The following PLXND1 variants were observed in gnomAD, a reference collection of about 807,000 sequenced individuals.
The protein encoded by PLXND1 is plexin-D1.
PLXND1 carries 54 observed loss-of-function variants against 197.7 expected under a neutral mutation model. That is an observed-to-expected ratio of 0.27 (90% confidence interval 0.22 to 0.34). The LOEUF is 0.34. Among genes scored for constraint, PLXND1 ranks in the 10% least tolerant of loss-of-function variants. PLXND1 has a pLI of 1.00. For missense variants in PLXND1, 2,127 were observed against 2,699.2 expected (o/e 0.79, Z 4.70); for synonymous variants, 1,180 against 1,161.2 (o/e 1.02, Z -0.33).
Position 129,605,502 on chromosome 3 carries a change from CG to C in PLXND1, c.1137del (p.Ala380ArgfsTer81). 1.3e-6 allele frequency: 2 copies of C among 1,492,160 alleles called. No homozygotes were observed. Among genetic ancestry groups the C allele is most frequent in the Non-Finnish European group, 8.9e-7 (1 of 1,129,730 alleles). The allele number at this position is 1,492,160 out of a possible 1,614,324, so 92.4% of individuals were successfully genotyped here. On this transcript the variant is annotated frameshift_variant, in exon 1 of 36. Transcript: ENST00000324093. LOFTEE classifies it high-confidence loss of function. ...AGTGCGGCCGGAGCAGCGCGGGCCG[CG>C]GGGGACCCCTGGGGCCGCTCGAAGA... ...FAVFERPQGS[P>X]AARAAPAALC...
At chr3:129,562,683 C>T (rs542743944) in intron 27 of PLXND1, 104 bp downstream of exon 27, 12 of 1,093,040 alleles carry the variant, frequency 1.1e-5, no homozygotes, top group East Asian at 2.6e-5. Flanking sequence ...AGTGTCCCCA[C>T]ATTCATGCAC....
chr3:129,566,278 G>C, intron 23 of PLXND1: 2 of 597,410 alleles, frequency 3.3e-6, no homozygotes, highest in Non-Finnish European at 6.0e-6. Flanking sequence ...TTCTAAGCAG[G>C]TTGAGTGGGG....
intron 1 of PLXND1, among the ~76,000 whole-genome samples, chr3:129,595,883 C>T (rs936054980): frequency 1.5e-4 from 22 of 151,092 alleles, no homozygotes; most frequent in African/African-American, 5.4e-4. Flanking sequence ...GACACTACAG[C>T]TACTGGGGGC....
At chr3:129,556,895 C>T in intron 34 of PLXND1, 188 bp downstream of exon 34, 1 of 726,760 alleles carries the variant, frequency 1.4e-6, no homozygotes, top group South Asian at 1.8e-5. Context: ...AGGGTGCTCT[C>T]CTGCCCCCGC....
intron 2 of PLXND1, among the ~76,000 whole-genome samples, chr3:129,588,255 G>C (rs1359575395): frequency 6.6e-6 from 1 of 152,160 alleles, no homozygotes; most frequent in African/African-American, 2.4e-5. Flanking sequence ...CATGAGAATC[G>C]TGCCTCTGCC....
rs148998584 is a variant in PLXND1 at position 129,563,160 on chromosome 3, T to G, written c.4602A>C (p.Thr1534=). Residue 1534 remains threonine, a synonymous_variant, in exon 26 of 36, where the codon ACA becomes ACC. Coordinates refer to ENST00000324093, the MANE Select transcript of PLXND1 (RefSeq NM_015103.3). Reference sequence around the variant, plus strand: ...CACTGAGTGTGTAGCGGGCCTTGCCTGTGATGGCGTCGATGGAGCCCTTGT... The same window carrying G: ...CACTGAGTGTGTAGCGGGCCTTGCCGGTGATGGCGTCGATGGAGCCCTTGT... ...QINKGSIDAI[T]GKARYTLSEE... is the part of the protein sequence containing the mutation. 9.2e-5 allele frequency: 149 copies of G among 1,611,592 alleles called. No individual in the cohort carries two copies. The highest frequency in any genetic ancestry group is 1.3e-4 in the Non-Finnish European group (148 of 1,179,142).
chr3:129,580,383 G>A (rs866551983), intron 8 of PLXND1, among the ~76,000 whole-genome samples: 1 of 152,208 alleles, frequency 6.6e-6, no homozygotes, highest in African/African-American at 2.4e-5. Flanking sequence ...GCAGACCGCA[G>A]GCTGCCATCC....
At chr3:129,585,078 G>A (rs1370569617) in intron 5 of PLXND1, among the ~76,000 whole-genome samples, 1 of 152,208 alleles carries the variant, frequency 6.6e-6, no homozygotes, top group African/African-American at 2.4e-5. Context: ...CCTGGGGCCA[G>A]GGGTCTGTCT....
chr3:129,582,734 C>T (rs893427932), intron 8 of PLXND1, among the ~76,000 whole-genome samples: 8 of 152,190 alleles, frequency 5.3e-5, no homozygotes, highest in Admixed American at 1.3e-4. Context: ...CAACCAGGGG[C>T]GAGGTATGTG....
chr3:129,572,821 T>C (rs756189469), intron 14 of PLXND1, 21 bp downstream of exon 14: 2 of 1,612,540 alleles, frequency 1.2e-6, no homozygotes, highest in East Asian at 2.2e-5. Context: ...GGCCGGACAG[T>C]GGGCTGCAGC....
Position 129,567,540 on chromosome 3 carries a change from G to A in PLXND1, c.4038C>T (p.Ile1346=). 2 of 1,611,844 alleles carry A rather than the reference G, an allele frequency of 1.2e-6. No individual in the cohort carries two copies. The highest frequency in any genetic ancestry group is 1.7e-6 in the Non-Finnish European group (2 of 1,178,692). Residue 1346 remains isoleucine, a synonymous_variant, in exon 22 of 36, where the codon ATC becomes ATT. Transcript: ENST00000324093. ...CGAAGTGCTTATACTCCAGGAAGGGGATGCCCTGGCTGCGGTTCAGCTCCT... is the reference window on the plus strand; with the variant it reads ...CGAAGTGCTTATACTCCAGGAAGGGAATGCCCTGGCTGCGGTTCAGCTCCT... The part of the protein sequence containing the change: ...LTKELNRSQG[I]PFLEYKHFVT...
At position 129,584,400 on chromosome 3, in the gene PLXND1, A is replaced by G. The variant is rs915081386; in HGVS notation, c.2014T>C (p.Phe672Leu). 12 of 1,612,586 alleles carry G rather than the reference A, an allele frequency of 7.4e-6. No homozygotes were observed. The highest frequency in any genetic ancestry group is 1.0e-5 in the Non-Finnish European group (12 of 1,179,378). Residue 672 changes from phenylalanine (F) to leucine (L), a missense_variant, in exon 6 of 36, where the codon TTC becomes CTC. Around this residue, in one of 6 missense-constraint regions of PLXND1, gnomAD observed 1,095 missense variants for 1,259.8 expected, o/e 0.87. Coordinates refer to ENST00000324093, the MANE Select transcript of PLXND1 (RefSeq NM_015103.3). ...NLLPRDQFPPFPPNQDHVTVE... is the reference protein window; with the variant it reads ...NLLPRDQFPPLPPNQDHVTVE... ...GCGTGCTTACCCTGGTTGGGGGGGA[A>G]GGGCGGAAACTGGTCCCTCGGCAGG...
In PLXND1 at chr3:129,561,755, G is replaced by A. The variant is rs1371451432; in HGVS notation, c.4929+45C>T. 5.2e-6 allele frequency: 8 copies of A among 1,531,066 alleles called. No individual in the cohort carries two copies. The East Asian group carries it at 1.2e-4, about 22-fold the overall frequency. 94.8% of individuals were successfully genotyped at this position (1,531,066 alleles called of 1,614,324 possible). A position where few individuals can be genotyped will look rare whatever the true frequency, so the allele number is the denominator to read the frequency against. On this transcript the variant is annotated intron_variant, in intron 28 of 35. Transcript: ENST00000324093. ...GAGGTCAGAGGCCGGAGGTTGGGGT[G>A]GGGGCATGAGGGTGGGGAAATGGGG...
Position 129,555,766 on chromosome 3 carries a change from C to CAAA in PLXND1, c.*543_*545dup, listed in dbSNP as rs945615475. On this transcript the variant is annotated 3_prime_UTR_variant, in exon 36 of 36. Transcript: ENST00000324093. ...ACTCTACCAACAGCCGCCCAAGCAA[C>CAAA]AAAAATCTGACACTACTTGAAACTG... The CAAA allele has an allele frequency of 4.2e-6, 2 of 479,210 alleles. No individual in the cohort carries two copies. The highest frequency in any genetic ancestry group is 7.3e-6 in the Non-Finnish European group (2 of 274,554). 29.7% of individuals were successfully genotyped at this position (479,210 alleles called of 1,614,324 possible).
chr3:129,591,688 T>A (rs1437574494), intron 1 of PLXND1: 4 of 152,252 alleles, frequency 2.6e-5, no homozygotes, highest in Non-Finnish European at 1.5e-5. Flanking sequence ...GTTCAACTGC[T>A]GATCAAAAAA....
At chr3:129,597,487 C>T (rs1297669625) in intron 1 of PLXND1, among the ~76,000 whole-genome samples, 2 of 151,570 alleles carry the variant, frequency 1.3e-5, no homozygotes, top group African/African-American at 4.9e-5. Context: ...CTGCGGGCCC[C>T]CCCCCATTAT....
chr3:129,571,652 G>A, intron 16 of PLXND1, 25 bp downstream of exon 16: 1 of 1,613,888 alleles, frequency 6.2e-7, no homozygotes. Context: ...GAGAGCCTGG[G>A]GGAAGGGCGG....
In PLXND1 at chr3:129,589,387, C is replaced by A. The variant is rs763302268; in HGVS notation, c.1452G>T (p.Ala484=). The change falls in exon 2 of 36, where the codon GCG becomes GCT. Residue 484 remains alanine, a synonymous_variant. Coordinates refer to ENST00000324093, the MANE Select transcript of PLXND1 (RefSeq NM_015103.3). ...VAVASVNNYT[A]VFLGTVNGRL... ...TCCCGTTGACCGTGCCCAGGAAGACCGCTGTGTAGTTGTTGACGCTGGCCA... is the reference window on the plus strand; with the variant it reads ...TCCCGTTGACCGTGCCCAGGAAGACAGCTGTGTAGTTGTTGACGCTGGCCA... 2.5e-6 allele frequency: 4 copies of A among 1,611,044 alleles called. No individual in the cohort carries two copies. The African/African-American group carries it at 5.4e-5, about 22-fold the overall frequency.
Position 129,589,347 on chromosome 3 carries a change from C to T in PLXND1, c.1488+4G>A. On this transcript the variant is annotated splice_donor_region_variant and intron_variant, in intron 2 of 35. Transcript: ENST00000324093. Reference sequence around the variant, plus strand: ...CCCCTCCCCACATCCCCAACCATACCTACCTTGAGAAGCCTCCCGTTGACC... The same window carrying T: ...CCCCTCCCCACATCCCCAACCATACTTACCTTGAGAAGCCTCCCGTTGACC... The T allele has an allele frequency of 6.4e-7, 1 of 1,557,644 alleles. No homozygotes were observed.
Sources: gnomAD v4.1 joint callset for allele counts (sites outside exome capture counted in the v4.1 genomes callset) on GRCh38, gnomAD v4.1.1 for gene constraint, gnomAD v4.1.1 regional missense constraint, MANE v1.5 for transcripts, NCBI Gene and HGNC (gene_info 2026-07-23, HGNC 2026-07-21) for gene names.